VPS54: variants seen among roughly 807,000 people sequenced by gnomAD.
VPS54 encodes VPS54 subunit of GARP complex.
A neutral mutation model predicts 121.5 loss-of-function variants in VPS54; 45 were observed. That is an observed-to-expected ratio of 0.37 (90% CI 0.29 to 0.47). VPS54 has a LOEUF of 0.47. VPS54 is among the 20% of genes least tolerant of loss of function. The probability of loss-of-function intolerance (pLI) is 0.99; values close to 1 mark genes in which losing one functional copy is unlikely to be tolerated. For missense variants in VPS54, 1,090 were observed against 1,131.4 expected, an observed-to-expected ratio of 0.96 and a Z score of 0.52; for synonymous variants, 371 against 385.8, an observed-to-expected ratio of 0.96 and a Z score of 0.45.
intron 4 of VPS54, among the ~76,000 whole-genome samples, chr2:63,971,631 C>G (rs1676287814): frequency 6.6e-6 from 1 of 152,172 alleles, no homozygotes; most frequent in Non-Finnish European, 1.5e-5. Context: ...ACTGTCAACT[C>G]TAGGAATGCT....
intron 16 of VPS54, among the ~76,000 whole-genome samples, chr2:63,915,773 A>C (rs1339254306): frequency 6.6e-6 from 1 of 152,176 alleles, no homozygotes; most frequent in Non-Finnish European, 1.5e-5. Context: ...TTAGTTTAGA[A>C]TGTGTGGACT....
chr2:63,993,903 CAG>C (rs1677452358), intron 1 of VPS54, among the ~76,000 whole-genome samples: 1 of 152,176 alleles, frequency 6.6e-6, no homozygotes, highest in East Asian at 1.9e-4. Context: ...GCTCAAAAGG[CAG>C]AGTTAAATTG....
Position 63,981,854 on chromosome 2 carries a change from A to G in VPS54, c.170T>C (p.Leu57Pro). The G allele has an allele frequency of 1.2e-6, 2 of 1,613,490 alleles. No homozygotes were observed. Among genetic ancestry groups the G allele is most frequent in the Non-Finnish European group, 1.7e-6 (2 of 1,179,618 alleles). ...DSHSLYVAPS[L>P]VTDQHRWTVY... ...AGTCCATCTATGTTGATCTGTAACT[A>G]GAGATGGGGCAACATATAAACTATG... Residue 57 changes from leucine (L) to proline (P), a missense_variant, in exon 3 of 23, where the codon CTA becomes CCA. Physicochemically the swap from Leu to Pro is moderately conservative, Grantham distance 98. Around this residue, in one of 2 missense-constraint regions of VPS54, gnomAD observed 801 missense variants for 757.0 expected, o/e 1.06. Coordinates refer to ENST00000272322, the MANE Select transcript of VPS54 (RefSeq NM_016516.3).
chr2:63,921,131 A>G (rs1027774708), intron 13 of VPS54, 75 bp downstream of exon 13: 3 of 1,468,596 alleles, frequency 2.0e-6, no homozygotes, highest in Non-Finnish European at 1.8e-6. Context: ...TGGGGAACAC[A>G]GGAAGCAAAG....
chr2:63,911,507 A>T (rs1304510548), intron 20 of VPS54, among the ~76,000 whole-genome samples: 3 of 152,138 alleles, frequency 2.0e-5, no homozygotes, highest in Non-Finnish European at 4.4e-5. Context: ...TTTTACTCTC[A>T]TTCTCTCATG....
intron 3 of VPS54, chr2:63,974,972 G>A (rs1262895783): frequency 8.4e-6 from 13 of 1,547,026 alleles, no homozygotes; most frequent in Non-Finnish European, 1.1e-5. Flanking sequence ...AACAGTGACA[G>A]GGGACATCCT....
chr2:64,010,434 T>C (rs1678376876), intron 1 of VPS54, among the ~76,000 whole-genome samples: 1 of 152,242 alleles, frequency 6.6e-6, no homozygotes, highest in Non-Finnish European at 1.5e-5. Context: ...TTGACAGAAC[T>C]CAGGAGTTTA....
At chr2:63,934,803 A>G (rs1468137755) in intron 11 of VPS54, among the ~76,000 whole-genome samples, 2 of 152,190 alleles carry the variant, frequency 1.3e-5, no homozygotes, top group Admixed American at 1.3e-4. Context: ...AGTGCCTGGC[A>G]AATAGGAGGT....
chr2:64,018,709 A>G (rs954687821), intron 1 of VPS54, among the ~76,000 whole-genome samples: 6 of 150,626 alleles, frequency 4.0e-5, no homozygotes, highest in African/African-American at 1.2e-4. Context: ...GGCAGGGAAC[A>G]CAGCTGCCAG....
At chr2:63,897,848 A>C (rs1000263013) in intron 21 of VPS54, among the ~76,000 whole-genome samples, 1 of 152,160 alleles carries the variant, frequency 6.6e-6, no homozygotes, top group Admixed American at 6.5e-5. Flanking sequence ...TGACAGGTAA[A>C]AATAATAAAA....
chr2:63,914,571 A>C lies in VPS54; in HGVS notation c.2229-284T>G, dbSNP rs575838217. Reference sequence around the variant, plus strand: ...GAATGAGTGGCTCCTTAAATTCTGTACAACAGGCATAATACTCTCTGTATG... The same window carrying C: ...GAATGAGTGGCTCCTTAAATTCTGTCCAACAGGCATAATACTCTCTGTATG... On this transcript the variant is annotated intron_variant, in intron 16 of 22. Coordinates refer to ENST00000272322, the MANE Select transcript of VPS54 (RefSeq NM_016516.3). Among the ~76,000 whole-genome samples the C allele has an allele frequency of 2.0e-5, 3 of 152,310 alleles. No individual in the cohort carries two copies. The South Asian group carries it at 6.2e-4, about 32-fold the overall frequency.
At chr2:63,965,425 G>C (rs1675949019) in intron 6 of VPS54, among the ~76,000 whole-genome samples, 1 of 152,204 alleles carries the variant, frequency 6.6e-6, no homozygotes, top group East Asian at 1.9e-4. Flanking sequence ...GCAGTGAGTG[G>C]AGATCGTGCC....
intron 4 of VPS54, among the ~76,000 whole-genome samples, chr2:63,971,502 G>T (rs1378012573): frequency 1.3e-5 from 2 of 152,136 alleles, no homozygotes; most frequent in Non-Finnish European, 2.9e-5. Context: ...AACTCTTACA[G>T]TTCCTTGAAT....
chr2:63,985,195 C>G (rs1226811078), intron 1 of VPS54, among the ~76,000 whole-genome samples: 1 of 152,050 alleles, frequency 6.6e-6, no homozygotes, highest in Non-Finnish European at 1.5e-5. Flanking sequence ...TGGTGCATGC[C>G]TGTAGTCCAG....
intron 1 of VPS54, among the ~76,000 whole-genome samples, chr2:64,008,646 A>G (rs78152709): frequency 0.16 from 24,512 of 152,084 alleles, 2,519 homozygotes; most frequent in Middle Eastern, 0.24. Flanking sequence ...GTTGCCTCAC[A>G]CCCTACTCCT....
chr2:63,896,773 T>G (rs1174383274), intron 22 of VPS54, among the ~76,000 whole-genome samples: 7 of 152,186 alleles, frequency 4.6e-5, no homozygotes, highest in Non-Finnish European at 8.8e-5. Context: ...GAATTGATAT[T>G]AATACGTAAC....
intron 1 of VPS54, among the ~76,000 whole-genome samples, chr2:64,013,546 G>GAA (rs1559059804): frequency 1.4e-5 from 2 of 145,492 alleles, no homozygotes; most frequent in African/African-American, 5.1e-5. Context: ...AGTAAATGCT[G>GAA]ATATATATAT....
At position 63,981,663 on chromosome 2, in the gene VPS54, G is replaced by T; in HGVS notation, c.361C>A (p.Gln121Lys). ...GATATTACCTGAGAGATTTCCTGTT[G>T]ATATACTGTAAAATGTTCCTTGCTG... ...QISKEHFTVYQQEISQREKIH... is the reference protein window; with the variant it reads ...QISKEHFTVYKQEISQREKIH... The change falls in exon 3 of 23, where the codon CAA becomes AAA. Residue 121 changes from glutamine (Q) to lysine (K), a missense_variant. Physicochemically the swap from Gln to Lys is moderately conservative, Grantham distance 53 (BLOSUM62 1). Transcript: ENST00000272322. The T allele has an allele frequency of 6.3e-7, 1 of 1,597,466 alleles. No individual in the cohort carries two copies. The highest frequency in any genetic ancestry group is 1.7e-5 in the Admixed American group (1 of 58,598).
At chr2:63,928,501 T>C (rs1169771205) in intron 12 of VPS54, among the ~76,000 whole-genome samples, 1 of 152,276 alleles carries the variant, frequency 6.6e-6, no homozygotes, top group Middle Eastern at 3.4e-3. Flanking sequence ...CAAGAGCTCC[T>C]GAAGGAAGCA....
Sources: allele counts gnomAD v4.1 joint callset (sites outside exome capture counted in the v4.1 genomes callset), GRCh38; gene constraint gnomAD v4.1.1; regional missense constraint gnomAD v4.1.1; transcripts MANE v1.5; gene names NCBI Gene and HGNC (gene_info 2026-07-23, HGNC 2026-07-21).